The following KHDRBS2 variants were observed in gnomAD, a reference collection of about 807,000 sequenced individuals.
KHDRBS2 encodes KH domain-containing, RNA-binding, signal transduction-associated protein 2.
Under a neutral mutation model 44.3 loss-of-function variants are expected in KHDRBS2, and 26 were observed. The ratio of observed to expected loss-of-function variants is 0.59; its 90% CI spans 0.43 to 0.81. KHDRBS2 has a LOEUF of 0.81. Among genes scored for constraint, KHDRBS2 ranks in the 40% least tolerant of loss-of-function variants. KHDRBS2 has a pLI of 0.00. For missense variants in KHDRBS2, 476 were observed against 433.1 expected (o/e 1.10, Z -0.88); for synonymous variants, 194 against 151.1 (o/e 1.28, Z -2.08).
chr6:61,603,410 TG>T, the KHDRBS2 span, among the ~76,000 whole-genome samples: 2 of 152,158 alleles, frequency 1.3e-5, no homozygotes, highest in Admixed American at 1.3e-4. Flanking sequence ...TGCTTTCACT[TG>T]GACTGACCCT....
At chr6:61,955,740 A>T (rs1235744224) in intron 4 of KHDRBS2, among the ~76,000 whole-genome samples, 1 of 122,768 alleles carries the variant, frequency 8.1e-6, no homozygotes. Flanking sequence ...AGACAGAGAG[A>T]GAGGTAGACA....
chr6:61,650,409 G>T, the KHDRBS2 span, among the ~76,000 whole-genome samples: 15 of 148,738 alleles, frequency 1.0e-4, no homozygotes, highest in South Asian at 2.1e-4. Context: ...TTAAAAAAAT[G>T]TTTTTTTTTT....
At chr6:61,635,629 G>A in the KHDRBS2 span, among the ~76,000 whole-genome samples, 2 of 151,770 alleles carry the variant, frequency 1.3e-5, no homozygotes, top group Admixed American at 1.3e-4. Flanking sequence ...CTAAATCTAG[G>A]CTTTTTAATA....
intron 6 of KHDRBS2, among the ~76,000 whole-genome samples, chr6:61,868,137 A>T (rs1008712594): frequency 6.6e-6 from 1 of 151,664 alleles, no homozygotes; most frequent in Non-Finnish European, 1.5e-5. Context: ...AGGAGGTGTA[A>T]CTCAAGCAGG....
intron 6 of KHDRBS2, among the ~76,000 whole-genome samples, chr6:61,739,261 T>C (rs1775820153): frequency 3.9e-5 from 6 of 151,902 alleles, no homozygotes; most frequent in African/African-American, 1.4e-4. Flanking sequence ...TCAGCAATGA[T>C]GTCAATGTTA....
intron 4 of KHDRBS2, among the ~76,000 whole-genome samples, chr6:61,970,634 C>T (rs528060264): frequency 2.8e-4 from 42 of 152,238 alleles, no homozygotes; most frequent in African/African-American, 9.6e-4. Flanking sequence ...TGAGGATTTG[C>T]AACAGTTCTA....
the KHDRBS2 span, among the ~76,000 whole-genome samples, chr6:61,590,136 A>G: frequency 6.6e-6 from 1 of 152,048 alleles, no homozygotes; most frequent in Non-Finnish European, 1.5e-5. Flanking sequence ...TTTTTTTTGC[A>G]TTCCTGGATT....
At chr6:62,245,944 A>C (rs1349500175) in intron 1 of KHDRBS2, among the ~76,000 whole-genome samples, 3 of 151,816 alleles carry the variant, frequency 2.0e-5, no homozygotes, top group Admixed American at 2.0e-4. Flanking sequence ...CCAGTCAAAT[A>C]AACATCTGGA....
chr6:61,558,513 G>A, the KHDRBS2 span, among the ~76,000 whole-genome samples: 105 of 152,246 alleles, frequency 6.9e-4, no homozygotes, highest in African/African-American at 2.4e-3. Context: ...AGTGAGCCAC[G>A]ATTATACCAT....
At chr6:61,947,995 G>A (rs1763951245) in intron 4 of KHDRBS2, among the ~76,000 whole-genome samples, 1 of 151,106 alleles carries the variant, frequency 6.6e-6, no homozygotes, top group African/African-American at 2.4e-5. Context: ...GTTCAGGAGA[G>A]CTGAAGAAAG....
At chr6:61,979,419 C>T (rs182494979) in intron 3 of KHDRBS2, among the ~76,000 whole-genome samples, 135 of 152,208 alleles carry the variant, frequency 8.9e-4, no homozygotes, top group African/African-American at 3.1e-3. Context: ...CATGAATAGA[C>T]CTTACCTGGA....
chr6:62,108,970 A>G (rs901817608), intron 2 of KHDRBS2, among the ~76,000 whole-genome samples: 26 of 152,074 alleles, frequency 1.7e-4, no homozygotes, highest in Admixed American at 1.5e-3. Flanking sequence ...GAGGGGAGGG[A>G]TAGCATTAGG....
intron 6 of KHDRBS2, among the ~76,000 whole-genome samples, chr6:61,893,251 A>G (rs1802312841): frequency 6.6e-6 from 1 of 152,212 alleles, no homozygotes. Context: ...AGGAAACAAC[A>G]GGTGCTGGAG....
At chr6:62,178,685 T>C (rs1000625806) in intron 1 of KHDRBS2, among the ~76,000 whole-genome samples, 3 of 151,528 alleles carry the variant, frequency 2.0e-5, no homozygotes, top group African/African-American at 7.2e-5. Context: ...TTTGGAGAAT[T>C]GTTAAAAATT....
intron 3 of KHDRBS2, among the ~76,000 whole-genome samples, chr6:61,999,354 T>C (rs1195971591): frequency 6.6e-6 from 1 of 152,152 alleles, no homozygotes; most frequent in Non-Finnish European, 1.5e-5. Flanking sequence ...GAAATGGATA[T>C]TTATTATGTT....
At chr6:61,796,495 A>T (rs933010544) in intron 6 of KHDRBS2, among the ~76,000 whole-genome samples, 3 of 152,080 alleles carry the variant, frequency 2.0e-5, no homozygotes, top group Non-Finnish European at 4.4e-5. Context: ...TTCAGAAGGC[A>T]TATTCTTACA....
chr6:62,092,335 A>G (rs536761360), intron 2 of KHDRBS2, among the ~76,000 whole-genome samples: 1 of 152,304 alleles, frequency 6.6e-6, no homozygotes, highest in South Asian at 2.1e-4. Flanking sequence ...CTGAAAATAC[A>G]TAATATCTTT....
chr6:62,278,541 A>G (rs1331977751), intron 1 of KHDRBS2, among the ~76,000 whole-genome samples: 2 of 152,232 alleles, frequency 1.3e-5, no homozygotes, highest in Admixed American at 1.3e-4. Context: ...TCAATGAAAT[A>G]TTAATATTAA....
At chr6:61,581,080 A>C in the KHDRBS2 span, among the ~76,000 whole-genome samples, 1 of 152,208 alleles carries the variant, frequency 6.6e-6, no homozygotes, top group Non-Finnish European at 1.5e-5. Context: ...AGCATTTAGA[A>C]ATCAATAGGA....
Sources: allele counts gnomAD v4.1 joint callset (sites outside exome capture counted in the v4.1 genomes callset), GRCh38; gene constraint gnomAD v4.1.1; transcripts MANE v1.5; gene names NCBI Gene and HGNC (gene_info 2026-07-23, HGNC 2026-07-21).